The following CCDC32 variants were observed in gnomAD, a reference collection of about 807,000 sequenced individuals.
CCDC32 encodes coiled-coil domain containing 32.
A neutral mutation model predicts 20.1 loss-of-function variants in CCDC32; 9 were observed. That is an observed-to-expected ratio of 0.45 (90% CI 0.27 to 0.78). CCDC32 has a LOEUF of 0.78. CCDC32 is among the 30% of genes least tolerant of loss of function. CCDC32 has a pLI of 0.16. For missense variants in CCDC32, 204 were observed against 215.5 expected (o/e 0.95, Z 0.33); for synonymous variants, 63 against 79.0 (o/e 0.80, Z 1.07).
intron 3 of CCDC32, chr15:40,528,861 C>T (rs1184694931): frequency 3.0e-6 from 2 of 670,250 alleles, no homozygotes; most frequent in Non-Finnish European, 5.3e-6. Context: ...ATAATGGTGG[C>T]TCTGAGCCTG....
At chr15:40,535,649 C>T (rs1889077901), downstream of CCDC32, 1 of 985,112 alleles carries the variant, frequency 1.0e-6, no homozygotes, top group African/African-American at 1.7e-5. Flanking sequence ...TGCTGAACAA[C>T]ACACCAGGCT....
chr15:40,544,578 G>T (rs969376878), intron 3 of CCDC32, among the ~76,000 whole-genome samples: 1 of 151,810 alleles, frequency 6.6e-6, no homozygotes, highest in African/African-American at 2.4e-5. Context: ...TCCTAAACTG[G>T]AATCATGTCA....
chr15:40,554,919 A>G (rs1475122492), intron 3 of CCDC32, among the ~76,000 whole-genome samples: 1 of 152,356 alleles, frequency 6.6e-6, no homozygotes, highest in East Asian at 1.9e-4. Flanking sequence ...ATACCATAAC[A>G]GCAGATTTTA....
At position 40,562,494 on chromosome 15, in the gene CCDC32, C is replaced by T. The variant is rs138630028; in HGVS notation, c.244+278G>A. Among the ~76,000 whole-genome samples, 213 of 152,184 alleles carry T rather than the reference C, an allele frequency of 1.4e-3. 2 individuals carry two copies. The East Asian group carries it at 0.026, about 19-fold the overall frequency. On this transcript the variant is annotated intron_variant, in intron 2 of 3. Coordinates refer to ENST00000416810, the MANE Select transcript of CCDC32 (RefSeq NM_001080792.4). ...ACTCGGTAGGCTGAGGCAGGAAAAT[C>T]GCTTGAACCCGGGAGGTGGAGGTTG...
At chr15:40,533,366 T>C (rs1279482018), downstream of CCDC32, among the ~76,000 whole-genome samples, 1 of 152,158 alleles carries the variant, frequency 6.6e-6, no homozygotes, top group Non-Finnish European at 1.5e-5. Flanking sequence ...TTTATTTATT[T>C]TGAGATGGAG....
At chr15:40,526,019 C>T (rs541304268), downstream of CCDC32, among the ~76,000 whole-genome samples, 1 of 151,894 alleles carries the variant, frequency 6.6e-6, no homozygotes, top group Non-Finnish European at 1.5e-5. Context: ...CTGTTCTTTC[C>T]CACTGAGAGT....
the CCDC32 span, among the ~76,000 whole-genome samples, chr15:40,521,308 G>A: frequency 1.3e-5 from 2 of 152,012 alleles, no homozygotes; most frequent in East Asian, 1.9e-4. Context: ...ATTATACAAC[G>A]CGTGTCTTTT....
At chr15:40,557,395 A>G (rs1224677595) in intron 2 of CCDC32, 23 bp from the exon 3 acceptor site, 1 of 1,570,676 alleles carries the variant, frequency 6.4e-7, no homozygotes, top group East Asian at 2.3e-5. Flanking sequence ...GTAGAGCTTA[A>G]CAAGGAAAAT....
intron 2 of CCDC32, 83 bp from the exon 3 acceptor site, chr15:40,557,455 A>G: frequency 1.4e-6 from 2 of 1,429,888 alleles, no homozygotes; most frequent in South Asian, 1.4e-5. Context: ...ATACTAACTT[A>G]AAAAATCTCT....
intron 2 of CCDC32, among the ~76,000 whole-genome samples, chr15:40,559,892 G>A (rs979927072): frequency 6.6e-6 from 1 of 152,132 alleles, no homozygotes; most frequent in Admixed American, 6.5e-5. Flanking sequence ...ACCTGTAGAA[G>A]AATAAAACTA....
At chr15:40,527,782 C>T (rs146467688), downstream of CCDC32, among the ~76,000 whole-genome samples, 1 of 152,314 alleles carries the variant, frequency 6.6e-6, no homozygotes, top group Non-Finnish European at 1.5e-5. Flanking sequence ...AAGAGAGTTC[C>T]CACCAGCAAG....
chr15:40,548,911 G>A (rs1277531214), downstream of CCDC32, among the ~76,000 whole-genome samples: 1 of 152,176 alleles, frequency 6.6e-6, no homozygotes, highest in African/African-American at 2.4e-5. Flanking sequence ...ACTGGAACAT[G>A]AATGAGTGGG....
downstream of CCDC32, among the ~76,000 whole-genome samples, chr15:40,527,564 T>C (rs939779877): frequency 9.9e-5 from 15 of 152,238 alleles, no homozygotes; most frequent in Non-Finnish European, 1.8e-4. Context: ...GTGGCAGTAT[T>C]GGGAAGTGGG....
downstream of CCDC32, among the ~76,000 whole-genome samples, chr15:40,525,378 G>A (rs1480059872): frequency 6.6e-6 from 1 of 151,640 alleles, no homozygotes; most frequent in Non-Finnish European, 1.5e-5. Flanking sequence ...GGCCAGGCTA[G>A]TCTCAAACTC....
chr15:40,541,573 C>G (rs1349235357), intron 3 of CCDC32, among the ~76,000 whole-genome samples: 2 of 152,160 alleles, frequency 1.3e-5, no homozygotes, highest in East Asian at 3.8e-4. Context: ...CTCAGGTGAT[C>G]CACCCGCCTC....
downstream of CCDC32, among the ~76,000 whole-genome samples, chr15:40,551,148 C>A (rs1405023704): frequency 6.6e-6 from 1 of 152,088 alleles, no homozygotes; most frequent in Non-Finnish European, 1.5e-5. Context: ...TTTGGGAGGC[C>A]GAGGCGGGCG....
intron 3 of CCDC32, chr15:40,539,397 C>T (rs1566979463): frequency 8.8e-6 from 13 of 1,471,254 alleles, no homozygotes; most frequent in Non-Finnish European, 1.2e-5. Context: ...GGAAGATAGA[C>T]AGATACAGTC....
intron 1 of CCDC32, 178 bp downstream of exon 1, chr15:40,564,798 C>T (rs763815524): frequency 1.9e-6 from 3 of 1,614,038 alleles, no homozygotes; most frequent in Non-Finnish European, 2.5e-6. Flanking sequence ...TACCCCAGGG[C>T]AGGGCGTCCA....
chr15:40,531,383 C>CCT (rs1021586753), downstream of CCDC32: 3 of 151,132 alleles, frequency 2.0e-5, no homozygotes, highest in African/African-American at 7.3e-5. Flanking sequence ...AGTGCAGTGG[C>CCT]GGGACCTCGG....
Sources: allele counts gnomAD v4.1 joint callset (sites outside exome capture counted in the v4.1 genomes callset), GRCh38; gene constraint gnomAD v4.1.1; transcripts MANE v1.5; gene names NCBI Gene and HGNC (gene_info 2026-07-23, HGNC 2026-07-21).